Variants in FAM178B observed in about 807,000 individuals in gnomAD.
FAM178B encodes the protein family with sequence similarity 178 member B.
A neutral mutation model predicts 91.7 loss-of-function variants in FAM178B; 82 were observed. The observed-to-expected ratio is 0.89, with a 90% CI of 0.75 to 1.07. FAM178B has a LOEUF of 1.07. FAM178B is among the 50% of genes least tolerant of loss of function. FAM178B has a pLI of 0.00. For synonymous variants in FAM178B, 368 were observed against 359.4 expected (o/e 1.02, Z -0.27); for missense variants, 769 against 846.7 (o/e 0.91, Z 1.14).
chr2:96,966,712 G>T (rs11891457), intron 5 of FAM178B, among the ~76,000 whole-genome samples: 34,057 of 151,900 alleles, frequency 0.22, 6,313 homozygotes, highest in African/African-American at 0.51. Context: ...GAAGGTATTA[G>T]GAAGTGGGGC....
chr2:96,922,517 T>A (rs2153370976), intron 10 of FAM178B, among the ~76,000 whole-genome samples: 1 of 152,090 alleles, frequency 6.6e-6, no homozygotes, highest in South Asian at 2.1e-4. Flanking sequence ...GCCCGACTAA[T>A]TATTGTATGT....
intron 6 of FAM178B, among the ~76,000 whole-genome samples, chr2:96,955,365 G>C (rs1219250169): frequency 1.3e-5 from 2 of 152,154 alleles, no homozygotes; most frequent in Non-Finnish European, 2.9e-5. Context: ...CAAAAAATTA[G>C]CCAAGTGTGG....
At chr2:96,964,475 G>T (rs962709075) in intron 5 of FAM178B, among the ~76,000 whole-genome samples, 2 of 152,120 alleles carry the variant, frequency 1.3e-5, no homozygotes, top group Non-Finnish European at 2.9e-5. Context: ...GGTGGCAGAG[G>T]AGACGGGGTG....
intron 8 of FAM178B, among the ~76,000 whole-genome samples, chr2:96,932,821 T>A (rs940712367): frequency 6.6e-6 from 1 of 150,906 alleles, no homozygotes; most frequent in African/African-American, 2.5e-5. Flanking sequence ...ATGCCTGTAA[T>A]CCCAGCTACT....
chr2:96,895,194 C>A, intron 13 of FAM178B: 1 of 1,027,142 alleles, frequency 9.7e-7, no homozygotes, highest in Non-Finnish European at 1.3e-6. Flanking sequence ...CCATAAAGAG[C>A]TTCTACAGAA....
chr2:96,888,866 A>G (rs1574193173), intron 14 of FAM178B, among the ~76,000 whole-genome samples: 1 of 152,100 alleles, frequency 6.6e-6, no homozygotes, highest in Non-Finnish European at 1.5e-5. Context: ...CCAGAGCATC[A>G]CCCAATCCCT....
At position 96,910,249 on chromosome 2, in the gene FAM178B, G is replaced by A. The variant is rs1039528065; in HGVS notation, c.1563-7542C>T. Among the ~76,000 whole-genome samples the A allele has an allele frequency of 2.0e-5, 3 of 152,106 alleles. No individual in the cohort carries two copies. In the South Asian group the frequency reaches 6.2e-4, roughly 32 times the overall value. ...CAAGCACCATTGCCCCCATCTCCTG[G>A]AAGCCCTCCGCCTCCAAAAGTCCCC... On this transcript the variant is annotated intron_variant, in intron 12 of 16. Transcript: ENST00000490605.
At chr2:96,919,051 C>T (rs572443454) in intron 12 of FAM178B, among the ~76,000 whole-genome samples, 7 of 152,292 alleles carry the variant, frequency 4.6e-5, no homozygotes, top group Non-Finnish European at 8.8e-5. Flanking sequence ...TTTTTGGAGA[C>T]GTGAGCCCGT....
intron 14 of FAM178B, among the ~76,000 whole-genome samples, chr2:96,889,407 G>A (rs528086295): frequency 9.2e-5 from 14 of 152,194 alleles, no homozygotes; most frequent in African/African-American, 2.9e-4. Flanking sequence ...GGCCCGGTGC[G>A]GTGGCTCATA....
intron 13 of FAM178B, among the ~76,000 whole-genome samples, chr2:96,894,511 TAC>T (rs917509331): frequency 1.7e-5 from 1 of 58,688 alleles, no homozygotes; most frequent in African/African-American, 7.1e-5. Context: ...CCCACCCACA[TAC>T]ACACAGACCC....
chr2:96,887,835 C>T (rs191140248), intron 14 of FAM178B, among the ~76,000 whole-genome samples: 5 of 152,296 alleles, frequency 3.3e-5, no homozygotes, highest in Admixed American at 1.3e-4. Context: ...GGGAGAGAGG[C>T]CCCGAAGGGT....
chr2:96,973,343 G>A (rs1437744971), intron 1 of FAM178B, among the ~76,000 whole-genome samples: 2 of 152,134 alleles, frequency 1.3e-5, no homozygotes, highest in African/African-American at 2.4e-5. Flanking sequence ...ATGGAACAGG[G>A]ATGTCTGGTT....
At chr2:96,883,560 G>C (rs2080442200) in intron 14 of FAM178B, among the ~76,000 whole-genome samples, 1 of 152,228 alleles carries the variant, frequency 6.6e-6, no homozygotes. Flanking sequence ...ACCTGTTTCT[G>C]GCAGGAGGAC....
intron 12 of FAM178B, among the ~76,000 whole-genome samples, chr2:96,905,834 A>ATATATATATATG (rs2081027603): frequency 4.3e-5 from 1 of 23,026 alleles, no homozygotes; most frequent in South Asian, 8.6e-4. Context: ...ATATATATAT[A>ATATATATATATG]TATATATATA....
intron 12 of FAM178B, among the ~76,000 whole-genome samples, chr2:96,905,329 G>C (rs549988475): frequency 1.3e-5 from 2 of 152,114 alleles, no homozygotes; most frequent in African/African-American, 2.4e-5. Context: ...AGGCTGAAGC[G>C]GGTGGATCAT....
chr2:96,893,941 G>C lies in FAM178B; in HGVS notation c.1761C>G (p.Ala587=). The C allele has an allele frequency of 3.7e-6, 6 of 1,612,480 alleles. No individual in the cohort carries two copies. The highest frequency in any genetic ancestry group is 4.2e-6 in the Non-Finnish European group (5 of 1,179,482). Reference sequence around the variant, plus strand: ...GCTCACTCACCTTGTGGTCTAGCTCGGCACTAGCCTTTGGCTGTTGCTCCT... The same window carrying C: ...GCTCACTCACCTTGTGGTCTAGCTCCGCACTAGCCTTTGGCTGTTGCTCCT... ...PCQEQQPKAS[A]ELDHKACYLC... The change falls in exon 14 of 17, where the codon GCC becomes GCG. Residue 587 remains alanine (A), a synonymous_variant. Transcript: ENST00000490605.
chr2:96,946,920 G>C (rs926089053), intron 8 of FAM178B, among the ~76,000 whole-genome samples: 2 of 152,228 alleles, frequency 1.3e-5, no homozygotes, highest in East Asian at 3.9e-4. Context: ...TTGACAGATG[G>C]CTCCAGCTCA....
intron 6 of FAM178B, among the ~76,000 whole-genome samples, chr2:96,959,199 G>GGAAAA (rs1273953141): frequency 2.6e-4 from 21 of 82,130 alleles, no homozygotes; most frequent in African/African-American, 6.2e-4. Context: ...ACTCAGTTTT[G>GGAAAA]AAAAAAAAAA....
chr2:96,937,444 G>A (rs1413338520), intron 8 of FAM178B, among the ~76,000 whole-genome samples: 1 of 152,136 alleles, frequency 6.6e-6, no homozygotes, highest in African/African-American at 2.4e-5. Context: ...GGTGGTGGGG[G>A]TGGGCAGGAA....
Sources: allele counts gnomAD v4.1 joint callset (sites outside exome capture counted in the v4.1 genomes callset), GRCh38; gene constraint gnomAD v4.1.1; transcripts MANE v1.5; gene names NCBI Gene and HGNC (gene_info 2026-07-23, HGNC 2026-07-21).